Variants in LRRC7 observed in about 807,000 individuals in gnomAD.
LRRC7 encodes the protein leucine rich repeat containing 7.
A neutral mutation model predicts 175.7 loss-of-function variants in LRRC7; 23 were observed. That is an observed-to-expected ratio of 0.13 (90% CI 0.09 to 0.19). LRRC7 has a LOEUF of 0.19. LRRC7 is among the 10% of genes least tolerant of loss of function. LRRC7 has a pLI of 1.00. For missense variants in LRRC7, 1,354 were observed against 1,904.7 expected (o/e 0.71, Z 5.38); for synonymous variants, 685 against 680.9 (o/e 1.01, Z -0.09).
At chr1:69,688,756 T>TAC (rs1661498004) in intron 2 of LRRC7, among the ~76,000 whole-genome samples, 1 of 152,082 alleles carries the variant, frequency 6.6e-6, no homozygotes, top group Non-Finnish European at 1.5e-5. Flanking sequence ...AGGAGAATGC[T>TAC]ATGTACTCAT....
At position 70,124,347 on chromosome 1, in the gene LRRC7, C is replaced by T. The variant is rs989087888; in HGVS notation, c.*2460C>T. Among the ~76,000 whole-genome samples, 4 of 152,036 alleles carry T rather than the reference C, an allele frequency of 2.6e-5. No individual in the cohort carries two copies. Among genetic ancestry groups the T allele is most frequent in the East Asian group, 1.9e-4 (1 of 5,162 alleles). On this transcript the variant is annotated 3_prime_UTR_variant, in exon 27 of 27. Transcript: ENST00000651989. ...GACCAGCCTGGCCAACATGGTGAAA[C>T]GCCATCTCTACTAAAAATACAAAAA... is the stretch of plus-strand genomic sequence containing the variant.
Position 69,860,840 on chromosome 1 carries a change from A to T in LRRC7, c.647+22557A>T, listed in dbSNP as rs1311795862. On this transcript the variant is annotated intron_variant, in intron 7 of 26. Coordinates refer to ENST00000651989, the MANE Select transcript of LRRC7 (RefSeq NM_001370785.2). ...ATAACTTCTTATATGGAAAGATTTA[A>T]TATGATAAAAGTGTTATCTCTTCCC... Among the ~76,000 whole-genome samples, 3 of 152,252 alleles carry T rather than the reference A, an allele frequency of 2.0e-5. No homozygotes were observed. The East Asian group carries it at 5.8e-4, about 29-fold the overall frequency.
intron 2 of LRRC7, among the ~76,000 whole-genome samples, chr1:69,722,284 T>G (rs1666448276): frequency 6.6e-6 from 1 of 152,016 alleles, no homozygotes; most frequent in African/African-American, 2.4e-5. Flanking sequence ...TTTTGACAGC[T>G]CCTTACTGTC....
At chr1:69,670,317 C>T (rs1570277035) in intron 1 of LRRC7, among the ~76,000 whole-genome samples, 2 of 152,284 alleles carry the variant, frequency 1.3e-5, no homozygotes, top group African/African-American at 4.8e-5. Flanking sequence ...TGCTGTGGTT[C>T]TTGCAAACAT....
rs368824582 is a variant in LRRC7, at chr1:69,748,068, A to G, written c.101-12123A>G. 5.3e-5 allele frequency among the ~76,000 whole-genome samples: 8 copies of G among 152,316 alleles called. No homozygotes were observed. The East Asian group carries it at 1.5e-3, about 29-fold the overall frequency. On this transcript the variant is annotated intron_variant, in intron 2 of 26. Coordinates refer to ENST00000651989, the MANE Select transcript of LRRC7 (RefSeq NM_001370785.2). ...TTATAAAGTAACTGCCTAAATTTAT[A>G]CCCAAAGCAACTTAGTTTATTAAAA...
At chr1:69,591,795 AT>A (rs1444446862) in intron 1 of LRRC7, among the ~76,000 whole-genome samples, 1 of 152,050 alleles carries the variant, frequency 6.6e-6, no homozygotes, top group Non-Finnish European at 1.5e-5. Context: ...TTTTATTCTT[AT>A]TAATGAGTCA....
intron 7 of LRRC7, among the ~76,000 whole-genome samples, chr1:69,846,647 C>T (rs957684433): frequency 2.6e-5 from 4 of 152,072 alleles, no homozygotes; most frequent in African/African-American, 9.7e-5. Flanking sequence ...TATTTACCTT[C>T]TTTGAATCTC....
chr1:70,021,216 G>A (rs1657460230), intron 16 of LRRC7, 87 bp downstream of exon 16: 2 of 1,307,130 alleles, frequency 1.5e-6, no homozygotes. Flanking sequence ...TTGGGACAAA[G>A]TCAGATACTT....
chr1:69,583,792 A>G (rs1379740135), intron 1 of LRRC7, among the ~76,000 whole-genome samples: 1 of 152,136 alleles, frequency 6.6e-6, no homozygotes, highest in African/African-American at 2.4e-5. Context: ...GCTGCATTGC[A>G]CTGTCTCTCA....
At chr1:70,094,691 C>G (rs926959000) in intron 25 of LRRC7, among the ~76,000 whole-genome samples, 1 of 151,958 alleles carries the variant, frequency 6.6e-6, no homozygotes, top group African/African-American at 2.4e-5. Flanking sequence ...AAAGAAGGAC[C>G]CTTAGACATG....
chr1:70,027,553 C>A (rs1160384589), intron 17 of LRRC7, among the ~76,000 whole-genome samples: 1 of 152,112 alleles, frequency 6.6e-6, no homozygotes, highest in Non-Finnish European at 1.5e-5. Flanking sequence ...ATGTTACTTT[C>A]TTAGGGTAAA....
chr1:70,080,174 T>C (rs1170789511), intron 24 of LRRC7, among the ~76,000 whole-genome samples: 1 of 152,188 alleles, frequency 6.6e-6, no homozygotes, highest in Non-Finnish European at 1.5e-5. Flanking sequence ...ATACTTGCAA[T>C]TGCTTTGAAA....
intron 5 of LRRC7, among the ~76,000 whole-genome samples, chr1:69,829,178 A>G (rs1304826057): frequency 6.6e-6 from 1 of 151,948 alleles, no homozygotes; most frequent in Non-Finnish European, 1.5e-5. Context: ...CATCTTACAA[A>G]TAAGGAAATC....
chr1:69,984,605 G>C (rs1653759664), intron 9 of LRRC7, among the ~76,000 whole-genome samples: 1 of 152,124 alleles, frequency 6.6e-6, no homozygotes. Flanking sequence ...CCTTGCCCAA[G>C]ATATGGGTTG....
intron 8 of LRRC7, among the ~76,000 whole-genome samples, chr1:69,947,500 TAAC>T (rs1267398571): frequency 2.6e-5 from 4 of 152,114 alleles, no homozygotes; most frequent in East Asian, 1.9e-4. Context: ...TTTAAGCTGA[TAAC>T]AACTTAACTT....
At chr1:69,785,417 ATTGC>A (rs1455791301) in intron 3 of LRRC7, among the ~76,000 whole-genome samples, 2 of 152,092 alleles carry the variant, frequency 1.3e-5, no homozygotes, top group East Asian at 3.8e-4. Flanking sequence ...CAACATAGAG[ATTGC>A]TTGTTTTTAA....
Position 70,039,113 on chromosome 1 carries a change from G to A in LRRC7, c.3289G>A (p.Val1097Met), listed in dbSNP as rs370148025. 28 of 1,613,966 alleles carry A rather than the reference G, an allele frequency of 1.7e-5. No individual in the cohort carries two copies. The highest frequency in any genetic ancestry group is 4.5e-5 in the East Asian group (2 of 44,860). Residue 1097 changes from valine to methionine, a missense_variant, in exon 21 of 27, where the codon GTG becomes ATG. By Grantham distance (21) the Val-to-Met change is conservative (BLOSUM62 1). Transcript: ENST00000651989. ...CCCTTTTCAACACAATCCCGAGTACGTGCAACAGGCCAGCAAAAACATCGC... is the reference window on the plus strand; with the variant it reads ...CCCTTTTCAACACAATCCCGAGTACATGCAACAGGCCAGCAAAAACATCGC... Reference protein sequence around the residue: ...PPPFQHNPEYVQQASKNIAKD... With the variant: ...PPPFQHNPEYMQQASKNIAKD...
intron 7 of LRRC7, among the ~76,000 whole-genome samples, chr1:69,921,614 AT>A (rs1646890892): frequency 6.6e-6 from 1 of 152,116 alleles, no homozygotes; most frequent in South Asian, 2.1e-4. Flanking sequence ...TCATATTGCC[AT>A]TGCCTTATTT....
In LRRC7 at chr1:69,934,506, G is replaced by A. The variant is rs1008544647; in HGVS notation, c.711+2936G>A. Among the ~76,000 whole-genome samples, 17 of 44,938 alleles carry A rather than the reference G, an allele frequency of 3.8e-4. 1 individual carries two copies. Among genetic ancestry groups the A allele is most frequent in the African/African-American group, 6.7e-4 (11 of 16,298 alleles). The allele number at this position is 44,938 out of a possible 152,430, so 29.5% of individuals were successfully genotyped here. A position where few individuals can be genotyped will look rare whatever the true frequency, so the allele number is the denominator to read the frequency against. On this transcript the variant is annotated intron_variant, in intron 8 of 26. Transcript: ENST00000651989. ...ATAGATATTTTGGCGGGGGGGGGGC[G>A]GGGGGTGGGGGGTTTTGTTGTTTCT... is the stretch of plus-strand genomic sequence containing the variant.
Sources: allele counts gnomAD v4.1 joint callset (sites outside exome capture counted in the v4.1 genomes callset), GRCh38; gene constraint gnomAD v4.1.1; transcripts MANE v1.5; gene names NCBI Gene and HGNC (gene_info 2026-07-23, HGNC 2026-07-21).